Variants in COL4A2 observed in about 807,000 individuals in gnomAD.
The protein encoded by COL4A2 is collagen type IV alpha 2 chain.
A neutral mutation model predicts 200.2 loss-of-function variants in COL4A2; 99 were observed. The ratio of observed to expected loss-of-function variants is 0.49; its 90% CI spans 0.42 to 0.58. The LOEUF (loss-of-function observed/expected upper bound fraction) is 0.58, where lower values mean the gene tolerates loss of function less well. Ranked by LOEUF, COL4A2 falls within the 20% of genes least tolerant of loss-of-function variation. The pLI, the probability that COL4A2 is intolerant of heterozygous loss-of-function variation, is 0.00. For synonymous variants in COL4A2, 897 were observed against 900.6 expected, an observed-to-expected ratio of 1.00 and a Z score of 0.07; for missense variants, 1,950 against 2,314.1, an observed-to-expected ratio of 0.84 and a Z score of 3.23.
At chr13:110,363,403 T>C (rs1390173781) in intron 4 of COL4A2, among the ~76,000 whole-genome samples, 1 of 152,210 alleles carries the variant, frequency 6.6e-6, no homozygotes, top group Non-Finnish European at 1.5e-5. Flanking sequence ...CAAATAGTCC[T>C]TAGCCTCACC....
At chr13:110,464,719 A>G (rs9559809) in intron 24 of COL4A2, among the ~76,000 whole-genome samples, 90,485 of 151,842 alleles carry the variant, frequency 0.6, 27,886 homozygotes, top group Middle Eastern at 0.73. Context: ...CCCGTGGCTC[A>G]GCAGATGAGC....
chr13:110,499,687 A>C (rs996991820), intron 40 of COL4A2, among the ~76,000 whole-genome samples: 1 of 152,184 alleles, frequency 6.6e-6, no homozygotes, highest in Admixed American at 6.5e-5. Flanking sequence ...AGACTCTTTT[A>C]TGTCAGTACT....
At chr13:110,493,415 C>A in intron 39 of COL4A2, 133 bp downstream of exon 39, 1 of 895,560 alleles carries the variant, frequency 1.1e-6, no homozygotes, top group Non-Finnish European at 1.7e-6. Flanking sequence ...AAGTGCTATG[C>A]GATCGGCCGT....
At chr13:110,317,758 A>C (rs1885178910) in intron 3 of COL4A2, among the ~76,000 whole-genome samples, 1 of 152,202 alleles carries the variant, frequency 6.6e-6, no homozygotes, top group East Asian at 1.9e-4. Context: ...TGCTGCAGCT[A>C]TGTAAAGGGG....
chr13:110,477,064 A>G (rs1051096700), intron 29 of COL4A2, among the ~76,000 whole-genome samples: 3 of 152,184 alleles, frequency 2.0e-5, no homozygotes, highest in Non-Finnish European at 4.4e-5. Flanking sequence ...ATAGGAGCAA[A>G]GAGGCCGGGC....
At chr13:110,461,652 C>T (rs943667433) in intron 22 of COL4A2, among the ~76,000 whole-genome samples, 1 of 152,168 alleles carries the variant, frequency 6.6e-6, no homozygotes, top group Non-Finnish European at 1.5e-5. Context: ...TCCCGAGTAG[C>T]TGGGATTACA....
chr13:110,479,747 G>C (rs1236750569), intron 30 of COL4A2, among the ~76,000 whole-genome samples: 2 of 152,196 alleles, frequency 1.3e-5, no homozygotes, highest in African/African-American at 2.4e-5. Context: ...CCAAGCTCAC[G>C]ACAGTAGCAG....
intron 4 of COL4A2, among the ~76,000 whole-genome samples, chr13:110,370,213 A>AAG (rs1877942674): frequency 6.3e-5 from 1 of 15,780 alleles, no homozygotes; most frequent in South Asian, 4.6e-3. Context: ...CAAAAAAAAG[A>AAG]AAAAAAAAAC....
At chr13:110,483,418 CAT>C (rs1370152738) in intron 32 of COL4A2, among the ~76,000 whole-genome samples, 5 of 152,212 alleles carry the variant, frequency 3.3e-5, no homozygotes, top group Admixed American at 2.6e-4. Context: ...TCATTGAAAA[CAT>C]AGGTACAGAC....
rs374846915 is a variant in COL4A2 at position 110,509,245 on chromosome 13, TTA to T, written c.4881+1049_4881+1050del. ...CCCAGCATGTTAAATATTTCATAAA[TTA>T]TATATATATATATATATATATATAC... On this transcript the variant is annotated intron_variant, in intron 47 of 47. Coordinates refer to ENST00000360467, the MANE Select transcript of COL4A2 (RefSeq NM_001846.4). Among the ~76,000 whole-genome samples, 274 of 71,998 alleles carry T rather than the reference TTA, an allele frequency of 3.8e-3. 10 individuals carry two copies. The highest frequency in any genetic ancestry group is 0.02 in the East Asian group (43 of 2,134). The allele number at this position is 71,998 out of a possible 152,430, so 47.2% of individuals were successfully genotyped here.
intron 22 of COL4A2, 182 bp from the exon 23 acceptor site, chr13:110,461,932 C>T (rs1335588550): frequency 1.2e-6 from 1 of 811,544 alleles, no homozygotes; most frequent in Admixed American, 2.7e-5. Context: ...GGCCAGTGGC[C>T]CCACACTGGA....
intron 12 of COL4A2, chr13:110,436,003 C>T: frequency 1.8e-6 from 1 of 544,288 alleles, no homozygotes; most frequent in Non-Finnish European, 3.3e-6. Flanking sequence ...GGAAACAACC[C>T]CACAGAAACA....
chr13:110,369,159 C>T (rs933999891), intron 4 of COL4A2, among the ~76,000 whole-genome samples: 2 of 151,544 alleles, frequency 1.3e-5, no homozygotes, highest in East Asian at 1.9e-4. Context: ...TGCAGTGAGC[C>T]GAGATCACAC....
In COL4A2 at chr13:110,512,134, G is replaced by A. The variant is rs373883651; in HGVS notation, c.5082G>A (p.Lys1694=). 3.1e-6 allele frequency: 5 copies of A among 1,613,340 alleles called. No individual in the cohort carries two copies. The African/African-American group carries it at 4.0e-5, about 13-fold the overall frequency. ...GCTCGCCCTCCGCCGACACGCTCAA[G>A]GCCGGCCTCATCCGCACACACATCA... ...FQGSPSADTL[K]AGLIRTHISR... is the part of the protein sequence containing the mutation. The change falls in exon 48 of 48, where the codon AAG becomes AAA. Residue 1694 remains lysine (K), a synonymous_variant. Transcript: ENST00000360467.
Position 110,458,997 on chromosome 13 carries a change from C to G in COL4A2, c.1596+63C>G, listed in dbSNP as rs746033490. 30 of 1,429,678 alleles carry G rather than the reference C, an allele frequency of 2.1e-5. 1 individual carries two copies. Among genetic ancestry groups the G allele is most frequent in the Admixed American group, 2.8e-5 (1 of 35,190 alleles). 88.6% of individuals were successfully genotyped at this position (1,429,678 alleles called of 1,614,324 possible). A position where few individuals can be genotyped will look rare whatever the true frequency, so the allele number is the denominator to read the frequency against. On this transcript the variant is annotated intron_variant, in intron 22 of 47. Transcript: ENST00000360467. ...CTGAGGCCTCCCCAGGTGTCCCGTT[C>G]TTGCCTTTTATCTCCTAAGTTTACA...
intron 4 of COL4A2, among the ~76,000 whole-genome samples, chr13:110,385,850 G>GACC (rs1878706443): frequency 7.2e-6 from 1 of 139,672 alleles, no homozygotes; most frequent in East Asian, 2.0e-4. Context: ...TGTGTGGATA[G>GACC]GCCGTGGTTG....
intron 29 of COL4A2, among the ~76,000 whole-genome samples, chr13:110,477,210 A>C (rs908387960): frequency 6.6e-6 from 1 of 152,168 alleles, no homozygotes; most frequent in African/African-American, 2.4e-5. Context: ...AAGAAAGAAA[A>C]GATATGAGCA....
Position 110,462,127 on chromosome 13 carries a change from A to G in COL4A2, c.1610A>G (p.Asn537Ser), listed in dbSNP as rs779735591. 2.5e-6 allele frequency: 4 copies of G among 1,614,266 alleles called. No homozygotes were observed. In the South Asian group the frequency reaches 4.4e-5, roughly 18 times the overall value. ...GFPGLKGVPG[N>S]IGAPGPKGAK... ...TGTTTTCCACAGGGAGTGCCTGGCA[A>G]CATTGGTGCTCCCGGACCCAAAGGA... The change falls in exon 23 of 48, where the codon AAC becomes AGC. Residue 537 changes from asparagine to serine, a missense_variant. Physicochemically the swap from Asn to Ser is conservative, Grantham distance 46 (BLOSUM62 1). Around this residue, in one of 2 missense-constraint regions of COL4A2, gnomAD observed 1,385 missense variants for 1,720.5 expected, o/e 0.80. Coordinates refer to ENST00000360467, the MANE Select transcript of COL4A2 (RefSeq NM_001846.4).
At chr13:110,351,713 G>A (rs1371707631) in intron 3 of COL4A2, among the ~76,000 whole-genome samples, 1 of 152,164 alleles carries the variant, frequency 6.6e-6, no homozygotes, top group East Asian at 1.9e-4. Flanking sequence ...TGAAGGAGCA[G>A]ATAAGTCCAA....
Sources: allele counts gnomAD v4.1 joint callset (sites outside exome capture counted in the v4.1 genomes callset), GRCh38; gene constraint gnomAD v4.1.1; regional missense constraint gnomAD v4.1.1; transcripts MANE v1.5; gene names NCBI Gene and HGNC (gene_info 2026-07-23, HGNC 2026-07-21).